The following SPATS2L variants were observed in gnomAD, a reference collection of about 807,000 sequenced individuals.
SPATS2L encodes SPATS2-like protein.
SPATS2L carries 30 observed loss-of-function variants against 59.6 expected under a neutral mutation model. The observed-to-expected ratio is 0.50, with a 90% confidence interval of 0.38 to 0.68. SPATS2L has a LOEUF of 0.68. Among genes scored for constraint, SPATS2L ranks in the 30% least tolerant of loss-of-function variants. SPATS2L has a pLI of 0.00. For missense variants in SPATS2L, 615 were observed against 700.0 expected (o/e 0.88, Z 1.37); for synonymous variants, 252 against 263.5 (o/e 0.96, Z 0.42).
intron 1 of SPATS2L, among the ~76,000 whole-genome samples, chr2:200,314,955 T>G (rs1190698455): frequency 2.6e-5 from 4 of 152,258 alleles, no homozygotes; most frequent in Admixed American, 2.6e-4. Context: ...TTCACATATT[T>G]CTTTTTATTT....
chr2:200,326,124 C>T (rs1001826769), intron 1 of SPATS2L, among the ~76,000 whole-genome samples: 2 of 152,138 alleles, frequency 1.3e-5, no homozygotes, highest in African/African-American at 4.8e-5. Context: ...TGTCTGATTC[C>T]AGAGCCTTTT....
Position 200,468,347 on chromosome 2 carries a change from TACACACACAC to T in SPATS2L, c.957+971_957+980del, listed in dbSNP as rs141831238. Among the ~76,000 whole-genome samples the T allele has an allele frequency of 7.2e-3, 798 of 110,156 alleles. 14 individuals are homozygous for T. Among genetic ancestry groups the T allele is most frequent in the African/African-American group, 0.025 (772 of 31,288 alleles). The allele number at this position is 110,156 out of a possible 152,430, so 72.3% of individuals were successfully genotyped here. On this transcript the variant is annotated intron_variant, in intron 10 of 12. Coordinates refer to ENST00000409140, the MANE Select transcript of SPATS2L (RefSeq NM_001100423.2). ...TTATCCACTTTTTCACCCAGTATAC[TACACACACAC>T]ACACACACACACACACACACACGCC...
At chr2:200,422,908 T>C (rs1003644396) in intron 6 of SPATS2L, among the ~76,000 whole-genome samples, 2 of 152,204 alleles carry the variant, frequency 1.3e-5, no homozygotes, top group African/African-American at 4.8e-5. Context: ...AATATCTTAT[T>C]GCACTATAAA....
intron 6 of SPATS2L, among the ~76,000 whole-genome samples, chr2:200,422,882 GCTCT>G (rs553678062): frequency 1.6e-3 from 240 of 151,900 alleles, no homozygotes; most frequent in African/African-American, 5.7e-3. Flanking sequence ...CCTCTTTCTT[GCTCT>G]CTCTCTCTCA....
chr2:200,433,258 A>G (rs975263597), intron 6 of SPATS2L, among the ~76,000 whole-genome samples: 14 of 150,148 alleles, frequency 9.3e-5, no homozygotes, highest in African/African-American at 2.5e-5. Context: ...GTTCTTAGTA[A>G]CTGATAGAAC....
At chr2:200,386,659 G>A (rs2082002522) in intron 2 of SPATS2L, among the ~76,000 whole-genome samples, 1 of 152,164 alleles carries the variant, frequency 6.6e-6, no homozygotes. Flanking sequence ...AGCTTTTTCT[G>A]TTAGATTTCA....
At chr2:200,374,988 C>T (rs1161763874) in intron 2 of SPATS2L, among the ~76,000 whole-genome samples, 2 of 152,180 alleles carry the variant, frequency 1.3e-5, no homozygotes, top group Non-Finnish European at 2.9e-5. Flanking sequence ...AATGCTTGTA[C>T]ACCATTGGAA....
At chr2:200,472,420 G>A (rs1348313790) in intron 11 of SPATS2L, among the ~76,000 whole-genome samples, 4 of 152,200 alleles carry the variant, frequency 2.6e-5, no homozygotes, top group Non-Finnish European at 4.4e-5. Context: ...TTGGTCCAGG[G>A]AACTGATCAG....
At chr2:200,388,504 G>A (rs2082064556) in intron 2 of SPATS2L, among the ~76,000 whole-genome samples, 1 of 152,004 alleles carries the variant, frequency 6.6e-6, no homozygotes, top group South Asian at 2.1e-4. Flanking sequence ...TTGAGGAGAT[G>A]GAGGCTGCAG....
upstream of SPATS2L, chr2:200,306,094 C>T: frequency 1.0e-6 from 1 of 985,848 alleles, no homozygotes; most frequent in Non-Finnish European, 1.2e-6. Flanking sequence ...GGCGGAACAC[C>T]CCGGGTTGGT....
At chr2:200,428,003 G>A (rs1168144974) in intron 6 of SPATS2L, among the ~76,000 whole-genome samples, 2 of 151,532 alleles carry the variant, frequency 1.3e-5, no homozygotes, top group East Asian at 1.9e-4. Flanking sequence ...GCTGGGGGTC[G>A]AGGCCACAGT....
intron 2 of SPATS2L, among the ~76,000 whole-genome samples, chr2:200,388,232 A>C (rs2082054307): frequency 1.3e-5 from 2 of 152,082 alleles, no homozygotes; most frequent in African/African-American, 4.8e-5. Flanking sequence ...AGCTTTAGAT[A>C]TGGTGGTCAC....
chr2:200,374,864 G>A (rs1028377015), intron 2 of SPATS2L, among the ~76,000 whole-genome samples: 4 of 152,048 alleles, frequency 2.6e-5, no homozygotes, highest in Admixed American at 2.6e-4. Context: ...AATAATATAT[G>A]GTATTATATT....
chr2:200,414,722 C>T (rs1019878110), intron 4 of SPATS2L, among the ~76,000 whole-genome samples: 10 of 152,084 alleles, frequency 6.6e-5, no homozygotes, highest in Non-Finnish European at 1.3e-4. Flanking sequence ...ATACAGAAAG[C>T]GCTCTGAGTG....
chr2:200,434,963 T>G (rs1244161306), intron 6 of SPATS2L, among the ~76,000 whole-genome samples: 1 of 152,106 alleles, frequency 6.6e-6, no homozygotes, highest in Non-Finnish European at 1.5e-5. Flanking sequence ...AACTGGCAGC[T>G]AGATCGGTGG....
intron 1 of SPATS2L, among the ~76,000 whole-genome samples, chr2:200,323,530 C>T (rs1184659601): frequency 2.0e-5 from 3 of 151,996 alleles, no homozygotes; most frequent in African/African-American, 7.3e-5. Flanking sequence ...CTCACCAGAC[C>T]CTTCTAACTC....
upstream of SPATS2L, chr2:200,306,322 T>C: frequency 1.0e-6 from 1 of 1,002,220 alleles, no homozygotes; most frequent in Non-Finnish European, 1.2e-6. Context: ...TTGCAACACG[T>C]GCGGATTGTG....
chr2:200,401,048 G>A (rs1474032308), intron 3 of SPATS2L, among the ~76,000 whole-genome samples: 2 of 152,164 alleles, frequency 1.3e-5, no homozygotes, highest in Non-Finnish European at 2.9e-5. Context: ...GACTTCCAAA[G>A]CCAGGTGATT....
intron 2 of SPATS2L, among the ~76,000 whole-genome samples, chr2:200,362,299 T>C (rs2081133407): frequency 1.3e-5 from 2 of 152,106 alleles, no homozygotes; most frequent in Non-Finnish European, 2.9e-5. Flanking sequence ...GGATTAAATA[T>C]TAGTTTTGTT....
Sources: gnomAD v4.1 joint callset for allele counts (sites outside exome capture counted in the v4.1 genomes callset) on GRCh38, gnomAD v4.1.1 for gene constraint, MANE v1.5 for transcripts, NCBI Gene and HGNC (gene_info 2026-07-23, HGNC 2026-07-21) for gene names.